CNBD1: variants seen among roughly 807,000 people sequenced by gnomAD.
CNBD1 encodes cyclic nucleotide-binding domain-containing protein 1.
A neutral mutation model predicts 54.4 loss-of-function variants in CNBD1; 71 were observed. The observed-to-expected ratio is 1.30, with a 90% CI of 1.08 to 1.59. The LOEUF (loss-of-function observed/expected upper bound fraction) is 1.59. CNBD1 is among the 40% of genes most tolerant of loss of function. The pLI is 0.00. For missense variants in CNBD1, 659 were observed against 518.0 expected (o/e 1.27, Z -2.64); for synonymous variants, 182 against 170.7 (o/e 1.07, Z -0.51).
At chr8:87,024,054 G>A (rs1245857899) in intron 4 of CNBD1, among the ~76,000 whole-genome samples, 3 of 151,538 alleles carry the variant, frequency 2.0e-5, no homozygotes, top group African/African-American at 4.8e-5. Flanking sequence ...TGGCTAACAC[G>A]GTGAAACCCC....
At chr8:87,340,909 AT>A (rs1242407601) in intron 8 of CNBD1, among the ~76,000 whole-genome samples, 1 of 151,674 alleles carries the variant, frequency 6.6e-6, no homozygotes, top group Non-Finnish European at 1.5e-5. Context: ...AGTTTTATTT[AT>A]TTATTTATAT....
chr8:87,139,017 T>C (rs546777826), intron 4 of CNBD1, among the ~76,000 whole-genome samples: 2 of 152,338 alleles, frequency 1.3e-5, no homozygotes, highest in Admixed American at 1.3e-4. Context: ...GGAGATAATT[T>C]AGCAGCTATT....
rs560887014 is a variant in CNBD1 at position 87,243,535 on chromosome 8, T to A, written c.771+6423T>A. ...TATTCTTTTACTTGTCTCTTCATTA[T>A]CCAACATTCTTCACAGATTCATTCC... On this transcript the variant is annotated intron_variant, in intron 6 of 10. Coordinates refer to ENST00000518476, the MANE Select transcript of CNBD1 (RefSeq NM_173538.3). 1.1e-3 allele frequency among the ~76,000 whole-genome samples: 167 copies of A among 152,298 alleles called. 10 individuals are homozygous for A. The South Asian group carries it at 0.023, about 21-fold the overall frequency.
intron 6 of CNBD1, among the ~76,000 whole-genome samples, chr8:87,241,080 G>A (rs1807690243): frequency 6.6e-6 from 1 of 151,998 alleles, no homozygotes; most frequent in Non-Finnish European, 1.5e-5. Context: ...GAAAACTTCA[G>A]GACTCTAAAA....
At chr8:87,012,591 A>G (rs1809247794) in intron 4 of CNBD1, among the ~76,000 whole-genome samples, 1 of 152,138 alleles carries the variant, frequency 6.6e-6, no homozygotes, top group Non-Finnish European at 1.5e-5. Context: ...ATCAACTAAG[A>G]GCCAGTCACC....
At chr8:87,320,348 T>C (rs1007924240) in intron 8 of CNBD1, among the ~76,000 whole-genome samples, 4 of 152,068 alleles carry the variant, frequency 2.6e-5, no homozygotes. Context: ...AAACAAGTAA[T>C]AAGATACAGT....
intron 4 of CNBD1, among the ~76,000 whole-genome samples, chr8:87,066,632 G>A (rs1380481879): frequency 6.6e-6 from 1 of 151,780 alleles, no homozygotes; most frequent in Non-Finnish European, 1.5e-5. Flanking sequence ...CAATAATTCA[G>A]TGTGCATCTT....
At chr8:87,054,020 G>T (rs1810363986) in intron 4 of CNBD1, among the ~76,000 whole-genome samples, 1 of 152,220 alleles carries the variant, frequency 6.6e-6, no homozygotes, top group Non-Finnish European at 1.5e-5. Flanking sequence ...GCTAAAATCT[G>T]CCTTTCAAGG....
intron 3 of CNBD1, among the ~76,000 whole-genome samples, chr8:86,908,992 G>C (rs541887935): frequency 6.6e-6 from 1 of 152,106 alleles, no homozygotes; most frequent in Non-Finnish European, 1.5e-5. Flanking sequence ...TCTTGACCTC[G>C]TGATCTGCCC....
chr8:86,939,335 C>T (rs956347294), intron 3 of CNBD1, among the ~76,000 whole-genome samples: 7 of 151,968 alleles, frequency 4.6e-5, no homozygotes, highest in Non-Finnish European at 1.0e-4. Context: ...GTTTCAATTG[C>T]TCAGGACAGT....
At chr8:87,194,882 G>A (rs1488276884) in intron 4 of CNBD1, among the ~76,000 whole-genome samples, 4 of 150,950 alleles carry the variant, frequency 2.6e-5, no homozygotes, top group Non-Finnish European at 5.9e-5. Flanking sequence ...TTTTTGTTTT[G>A]TTTGTTTGTT....
At chr8:87,124,243 T>C (rs1432968930) in intron 4 of CNBD1, among the ~76,000 whole-genome samples, 2 of 151,708 alleles carry the variant, frequency 1.3e-5, no homozygotes, top group East Asian at 1.9e-4. Flanking sequence ...AGTTTGAGAA[T>C]TGAACTCAAA....
chr8:86,899,537 C>A lies in CNBD1; in HGVS notation c.159-5544C>A, dbSNP rs372258449. 3.3e-5 allele frequency among the ~76,000 whole-genome samples: 5 copies of A among 152,084 alleles called. No homozygotes were observed. The East Asian group carries it at 7.7e-4, about 24-fold the overall frequency. On this transcript the variant is annotated intron_variant, in intron 2 of 10. Coordinates refer to ENST00000518476, the MANE Select transcript of CNBD1 (RefSeq NM_173538.3). The stretch of plus-strand genomic sequence containing the variant: ...AGTTCTTCAAGTTTGACTGGCTATT[C>A]CTGATATTCTCTTGTTATTAATCAT...
intron 4 of CNBD1, among the ~76,000 whole-genome samples, chr8:87,023,844 G>C (rs777683486): frequency 1.3e-5 from 2 of 152,164 alleles, no homozygotes; most frequent in Non-Finnish European, 2.9e-5. Context: ...TACATGGTTT[G>C]ATTGTTTATT....
chr8:87,366,015 G>A (rs2130942033), intron 10 of CNBD1, among the ~76,000 whole-genome samples: 1 of 152,120 alleles, frequency 6.6e-6, no homozygotes, highest in East Asian at 1.9e-4. Flanking sequence ...TCTCAGTTGG[G>A]ATAATAATAA....
At chr8:87,215,837 C>T (rs1031239444) in intron 5 of CNBD1, among the ~76,000 whole-genome samples, 1 of 152,058 alleles carries the variant, frequency 6.6e-6, no homozygotes, top group Non-Finnish European at 1.5e-5. Flanking sequence ...CATCCAGTTC[C>T]CCCAAAATTT....
intron 10 of CNBD1, among the ~76,000 whole-genome samples, chr8:87,377,093 A>G (rs1424094084): frequency 7.9e-6 from 1 of 126,532 alleles, no homozygotes; most frequent in Non-Finnish European, 1.7e-5. Flanking sequence ...TTTATTTCTT[A>G]TTTTTATTTT....
At chr8:87,230,598 G>T (rs1814663531) in intron 5 of CNBD1, among the ~76,000 whole-genome samples, 1 of 151,932 alleles carries the variant, frequency 6.6e-6, no homozygotes, top group South Asian at 2.1e-4. Flanking sequence ...TCTGAGCCTT[G>T]GTTTCTTCAT....
intron 5 of CNBD1, among the ~76,000 whole-genome samples, chr8:87,226,908 A>G (rs1017945553): frequency 6.6e-6 from 1 of 151,650 alleles, no homozygotes; most frequent in Non-Finnish European, 1.5e-5. Context: ...AACTTGCTTT[A>G]TGAATCTGGG....
Sources: allele counts gnomAD v4.1 joint callset (sites outside exome capture counted in the v4.1 genomes callset), GRCh38; gene constraint gnomAD v4.1.1; transcripts MANE v1.5; gene names NCBI Gene and HGNC (gene_info 2026-07-23, HGNC 2026-07-21).